CEP126: variants seen among roughly 807,000 people sequenced by gnomAD.
CEP126 encodes centrosomal protein of 126 kDa.
Under a neutral mutation model 107.8 loss-of-function variants are expected in CEP126, and 74 were observed. The observed-to-expected ratio is 0.69, with a 90% confidence interval of 0.57 to 0.83. The LOEUF (loss-of-function observed/expected upper bound fraction) is 0.83. Ranked by LOEUF, CEP126 falls within the 40% of genes least tolerant of loss-of-function variation. CEP126 has a pLI of 0.00. For synonymous variants in CEP126, 449 were observed against 446.0 expected, an observed-to-expected ratio of 1.01 and a Z score of -0.08; for missense variants, 1,237 against 1,281.9, an observed-to-expected ratio of 0.96 and a Z score of 0.53.
chr11:101,983,936 C>T (rs938856582), intron 8 of CEP126, among the ~76,000 whole-genome samples: 1 of 152,178 alleles, frequency 6.6e-6, no homozygotes, highest in Non-Finnish European at 1.5e-5. Context: ...GACATCTTTT[C>T]TGATTGGTTT....
intron 3 of CEP126, among the ~76,000 whole-genome samples, chr11:101,945,765 T>G (rs986077222): frequency 6.6e-6 from 1 of 152,090 alleles, no homozygotes; most frequent in Admixed American, 6.6e-5. Context: ...ACCAGTGTTG[T>G]AGGCAGGAAG....
chr11:101,984,801 C>G (rs2137129591), intron 8 of CEP126, among the ~76,000 whole-genome samples: 1 of 152,342 alleles, frequency 6.6e-6, no homozygotes, highest in African/African-American at 2.4e-5. Flanking sequence ...AGAGGACCCA[C>G]TTCCTTGTGC....
intron 1 of CEP126, among the ~76,000 whole-genome samples, chr11:101,921,951 A>C (rs1940335180): frequency 6.7e-6 from 1 of 149,958 alleles, no homozygotes; most frequent in Non-Finnish European, 1.5e-5. Context: ...ACGCCCGCCT[A>C]ATTTTTGTGT....
chr11:101,987,887 T>C (rs1268241294), intron 9 of CEP126, among the ~76,000 whole-genome samples: 1 of 152,078 alleles, frequency 6.6e-6, no homozygotes, highest in Non-Finnish European at 1.5e-5. Flanking sequence ...AAAAGTACAT[T>C]TATGTATCTT....
chr11:101,956,946 A>C, intron 4 of CEP126: 2 of 336,252 alleles, frequency 5.9e-6, no homozygotes, highest in Non-Finnish European at 5.8e-6. Context: ...CTTTAAAGGT[A>C]AATAAATTGA....
At position 101,930,903 on chromosome 11, in the gene CEP126, A is replaced by G. The variant is rs1024241444; in HGVS notation, c.248+8143A>G. 5.9e-5 allele frequency among the ~76,000 whole-genome samples: 9 copies of G among 152,352 alleles called. No homozygotes were observed. In the East Asian group the frequency reaches 7.7e-4, roughly 13 times the overall value. ...CAGATATGGAGGGCAAACTGTATAT[A>G]TCATGCACAGGAGTTTTAGTTGTAC... On this transcript the variant is annotated intron_variant, in intron 2 of 10. Transcript: ENST00000263468.
rs555227339 is a variant in CEP126 at position 101,973,705 on chromosome 11, G to T, written c.2846-4642G>T. Among the ~76,000 whole-genome samples the T allele has an allele frequency of 1.4e-3, 219 of 152,154 alleles. 1 individual carries two copies. Among genetic ancestry groups the T allele is most frequent in the Non-Finnish European group, 2.5e-3 (170 of 67,984 alleles). On this transcript the variant is annotated intron_variant, in intron 6 of 10. Transcript: ENST00000263468. ...CAATAAATTAGGTTTTAATAAAAAG[G>T]CATAGAAAAACTTTAGCCCTATTTG... is the stretch of plus-strand genomic sequence containing the variant.
intron 2 of CEP126, among the ~76,000 whole-genome samples, chr11:101,941,161 T>G (rs1940658664): frequency 6.6e-6 from 1 of 152,214 alleles, no homozygotes; most frequent in Non-Finnish European, 1.5e-5. Context: ...GACTCTCTAT[T>G]TAATCGCTTT....
chr11:101,991,851 C>A (rs1941386787), intron 9 of CEP126, among the ~76,000 whole-genome samples: 1 of 152,158 alleles, frequency 6.6e-6, no homozygotes, highest in Non-Finnish European at 1.5e-5. Context: ...CAGTACAATT[C>A]TATTTATATG....
intron 1 of CEP126, among the ~76,000 whole-genome samples, chr11:101,919,795 A>G (rs906520847): frequency 6.6e-6 from 1 of 152,204 alleles, no homozygotes; most frequent in Non-Finnish European, 1.5e-5. Flanking sequence ...AACATGTCAA[A>G]CAGAGAACAG....
intron 4 of CEP126, among the ~76,000 whole-genome samples, chr11:101,953,245 A>T (rs929222648): frequency 3.3e-5 from 5 of 152,226 alleles, no homozygotes; most frequent in African/African-American, 7.2e-5. Context: ...GTTTCTTTGC[A>T]GTCCTCTTAG....
chr11:101,956,669 T>C (rs767367727), intron 4 of CEP126: 1 of 456,220 alleles, frequency 2.2e-6, no homozygotes, highest in Non-Finnish European at 4.4e-6. Flanking sequence ...CCCTCTTTTT[T>C]CCTCTCCTTT....
Position 101,962,894 on chromosome 11 carries a change from G to T in CEP126, c.1859G>T (p.Gly620Val). The stretch of plus-strand genomic sequence containing the variant: ...AGTATTGAATTAACAAAGGAAAAAG[G>T]TGCAGAAATTCCAAAGACCATTAAA... ...RDSIELTKEK[G>V]AEIPKTIKKL... Residue 620 changes from glycine to valine, a missense_variant, in exon 6 of 11, where the codon GGT (glycine) becomes GTT (valine). By Grantham distance (109) the Gly-to-Val change is moderately radical. This residue lies in a region of CEP126 where 1,134 missense variants were observed against 1,150.5 expected (regional missense o/e 0.99). Coordinates refer to ENST00000263468, the MANE Select transcript of CEP126 (RefSeq NM_020802.4). 6.2e-7 allele frequency: 1 copy of T among 1,609,630 alleles called. No homozygotes were observed. Among genetic ancestry groups the T allele is most frequent in the Non-Finnish European group, 8.5e-7 (1 of 1,179,046 alleles).
intron 9 of CEP126, among the ~76,000 whole-genome samples, chr11:101,987,270 T>C (rs1324317568): frequency 2.0e-5 from 3 of 152,238 alleles, no homozygotes; most frequent in Admixed American, 6.5e-5. Context: ...TCAGAATATA[T>C]GAATAGACTT....
At chr11:101,967,954 G>A (rs1315863924) in intron 6 of CEP126, among the ~76,000 whole-genome samples, 1 of 152,136 alleles carries the variant, frequency 6.6e-6, no homozygotes, top group East Asian at 1.9e-4. Flanking sequence ...TATATAGTAT[G>A]CAGCAACTTT....
At chr11:101,951,012 C>T (rs756191014) in intron 4 of CEP126, among the ~76,000 whole-genome samples, 4 of 151,876 alleles carry the variant, frequency 2.6e-5, no homozygotes, top group Non-Finnish European at 4.4e-5. Flanking sequence ...TTGGAATAAC[C>T]CAAGGGATAG....
intron 10 of CEP126, among the ~76,000 whole-genome samples, chr11:101,995,915 A>G (rs1166791604): frequency 6.6e-6 from 1 of 152,210 alleles, no homozygotes; most frequent in Non-Finnish European, 1.5e-5. Context: ...CTACATTCTA[A>G]AAATACATCA....
chr11:101,949,929 C>T (rs1203852523), intron 4 of CEP126, among the ~76,000 whole-genome samples: 1 of 152,134 alleles, frequency 6.6e-6, no homozygotes, highest in Non-Finnish European at 1.5e-5. Flanking sequence ...AAAGCAAGCC[C>T]AGCAGGGAGG....
rs368992067 is a variant in CEP126, at chr11:101,963,687, A to G, written c.2652A>G (p.Gln884=). ...CATCATATTGTTCTTCAGAGTGCCA[A>G]ACTTTCGCAAAAATAAATCATTCAA... ...SLPSYCSSEC[Q]TFAKINHSNG... is the part of the protein sequence containing the mutation. Residue 884 remains glutamine, a synonymous_variant, in exon 6 of 11, where the codon CAA becomes CAG. Transcript: ENST00000263468. 1.9e-6 allele frequency: 3 copies of G among 1,613,996 alleles called. No individual in the cohort carries two copies. The highest frequency in any genetic ancestry group is 1.7e-5 in the Admixed American group (1 of 59,996).
Sources: gnomAD v4.1 joint callset for allele counts (sites outside exome capture counted in the v4.1 genomes callset) on GRCh38, gnomAD v4.1.1 for gene constraint, gnomAD v4.1.1 regional missense constraint, MANE v1.5 for transcripts, NCBI Gene and HGNC (gene_info 2026-07-23, HGNC 2026-07-21) for gene names.